Variants in AFG2A observed in about 807,000 individuals in gnomAD.
AFG2A encodes the protein ATPase family gene 2 protein homolog A.
the AFG2A span, chr4:122,929,218 G>A: frequency 6.5e-7 from 1 of 1,547,640 alleles, no homozygotes; most frequent in Non-Finnish European, 8.7e-7. Flanking sequence ...TTTCTTTGGT[G>A]ACTATCTGGA....
At chr4:122,938,227 C>T in the AFG2A span, 1 of 1,604,416 alleles carries the variant, frequency 6.2e-7, no homozygotes, top group African/African-American at 1.3e-5. Context: ...TCACTCTTAA[C>T]ACTGATGGAT....
the AFG2A span, among the ~76,000 whole-genome samples, chr4:122,961,565 C>T: frequency 2.0e-5 from 3 of 152,166 alleles, no homozygotes; most frequent in African/African-American, 4.8e-5. Flanking sequence ...AGTGCAGTGG[C>T]GCAGTCTTGG....
the AFG2A span, among the ~76,000 whole-genome samples, chr4:123,022,684 G>A: frequency 6.7e-6 from 1 of 150,326 alleles, no homozygotes; most frequent in Non-Finnish European, 1.5e-5. Flanking sequence ...CCCATTACTG[G>A]GTATATACCC....
the AFG2A span, among the ~76,000 whole-genome samples, chr4:123,069,340 A>G: frequency 6.6e-6 from 1 of 152,186 alleles, no homozygotes; most frequent in Admixed American, 6.5e-5. Flanking sequence ...TGCGTAAACA[A>G]GCACCTAAGT....
chr4:123,113,959 G>A, the AFG2A span, among the ~76,000 whole-genome samples: 5 of 151,834 alleles, frequency 3.3e-5, no homozygotes, highest in East Asian at 3.9e-4. Flanking sequence ...AGGTTGTCCC[G>A]ACGAATGTTC....
At chr4:123,138,282 A>C in the AFG2A span, among the ~76,000 whole-genome samples, 20 of 152,134 alleles carry the variant, frequency 1.3e-4, no homozygotes, top group African/African-American at 4.6e-4. Flanking sequence ...TGCAATTTGT[A>C]CTCTGAGTCT....
the AFG2A span, among the ~76,000 whole-genome samples, chr4:123,181,168 T>G: frequency 6.6e-6 from 1 of 151,996 alleles, no homozygotes; most frequent in Admixed American, 6.6e-5. Context: ...GTATTTTTAG[T>G]AGAGACGGGG....
the AFG2A span, chr4:123,260,174 T>G: frequency 6.6e-6 from 1 of 152,236 alleles, no homozygotes; most frequent in Non-Finnish European, 1.5e-5. Flanking sequence ...TGTAAAAATT[T>G]GCTTACTATA....
the AFG2A span, among the ~76,000 whole-genome samples, chr4:122,932,160 A>G: frequency 6.6e-6 from 1 of 151,848 alleles, no homozygotes; most frequent in South Asian, 2.1e-4. Context: ...CTGTGTTCCC[A>G]GCTACTCCAG....
chr4:123,056,413 T>C, the AFG2A span: 1 of 1,612,782 alleles, frequency 6.2e-7, no homozygotes, highest in African/African-American at 1.3e-5. Flanking sequence ...ATAAATATGT[T>C]GGTGAATCTG....
At chr4:122,980,055 G>C in the AFG2A span, among the ~76,000 whole-genome samples, 1 of 152,140 alleles carries the variant, frequency 6.6e-6, no homozygotes, top group Non-Finnish European at 1.5e-5. Context: ...GAAAAGGTTT[G>C]CATATTCATC....
the AFG2A span, chr4:122,934,601 T>C: frequency 3.7e-6 from 6 of 1,613,912 alleles, no homozygotes; most frequent in East Asian, 1.3e-4. Flanking sequence ...TTTACAGAGA[T>C]TGATAAAAAT....
the AFG2A span, among the ~76,000 whole-genome samples, chr4:123,247,603 T>TGTTTGTTC: frequency 1.3e-5 from 2 of 152,026 alleles, no homozygotes; most frequent in Admixed American, 6.6e-5. Flanking sequence ...TTTGTTTGTT[T>TGTTTGTTC]GTTTTGTAGA....
At chr4:123,067,369 T>C in the AFG2A span, among the ~76,000 whole-genome samples, 15 of 151,802 alleles carry the variant, frequency 9.9e-5, no homozygotes, top group African/African-American at 3.6e-4. Context: ...TACAAAAAAT[T>C]AGCTTGGCAT....
At chr4:122,981,328 G>A in the AFG2A span, among the ~76,000 whole-genome samples, 1 of 146,310 alleles carries the variant, frequency 6.8e-6, no homozygotes, top group Non-Finnish European at 1.5e-5. Context: ...TCAATTGACT[G>A]TACATGCGTG....
At chr4:122,942,847 T>C in the AFG2A span, among the ~76,000 whole-genome samples, 1 of 151,390 alleles carries the variant, frequency 6.6e-6, no homozygotes, top group South Asian at 2.1e-4. Context: ...TTTGTTCTCG[T>C]TGGTTTCAAA....
the AFG2A span, among the ~76,000 whole-genome samples, chr4:123,075,401 C>T: frequency 3.3e-5 from 5 of 151,942 alleles, no homozygotes; most frequent in South Asian, 4.2e-4. Context: ...CAGGTTCAAG[C>T]GATTCTCCTG....
the AFG2A span, chr4:123,317,319 A>T: frequency 3.3e-5 from 5 of 152,052 alleles, no homozygotes; most frequent in Admixed American, 1.3e-4. Flanking sequence ...CTTCAAATTC[A>T]TGAAACCTCA....
chr4:123,129,549 C>T, the AFG2A span, among the ~76,000 whole-genome samples: 6 of 152,206 alleles, frequency 3.9e-5, no homozygotes, highest in African/African-American at 1.4e-4. Context: ...CCTGTTAGCA[C>T]CATCAGCTGT....
Sources: allele counts gnomAD v4.1 joint callset (sites outside exome capture counted in the v4.1 genomes callset), GRCh38; gene constraint gnomAD v4.1.1; transcripts MANE v1.5; gene names NCBI Gene and HGNC (gene_info 2026-07-23, HGNC 2026-07-21).